Variants in PDE10A observed in about 807,000 individuals in gnomAD.
The protein encoded by PDE10A is cAMP and cAMP-inhibited cGMP 3',5'-cyclic phosphodiesterase 10A.
In PDE10A, 39 loss-of-function variants were observed where a neutral mutation model predicts 97.7. That is an observed-to-expected ratio of 0.40 (90% CI 0.31 to 0.52). The LOEUF (loss-of-function observed/expected upper bound fraction) is 0.52. PDE10A is among the 20% of genes least tolerant of loss of function. The pLI is 0.56. For synonymous variants in PDE10A, 371 were observed against 376.8 expected (o/e 0.98, Z 0.18); for missense variants, 731 against 1,047.8 (o/e 0.70, Z 4.17).
chr6:165,360,876 G>A (rs1435787146), intron 18 of PDE10A, among the ~76,000 whole-genome samples: 1 of 152,156 alleles, frequency 6.6e-6, no homozygotes, highest in Non-Finnish European at 1.5e-5. Context: ...CCAGGTGACT[G>A]TGGGTACACC....
intron 1 of PDE10A, among the ~76,000 whole-genome samples, chr6:165,553,643 G>A (rs1428189147): frequency 6.6e-6 from 1 of 152,104 alleles, no homozygotes; most frequent in Non-Finnish European, 1.5e-5. Context: ...AGCCTAAGGG[G>A]TGCCTTAGCT....
intron 1 of PDE10A, among the ~76,000 whole-genome samples, chr6:165,918,412 A>C (rs1417322370): frequency 2.0e-5 from 3 of 152,224 alleles, no homozygotes; most frequent in African/African-American, 7.2e-5. Flanking sequence ...GTAAACCACC[A>C]TTTAATTTAT....
At chr6:165,926,834 C>A (rs2128489653) in intron 1 of PDE10A, among the ~76,000 whole-genome samples, 1 of 152,200 alleles carries the variant, frequency 6.6e-6, no homozygotes, top group South Asian at 2.1e-4. Flanking sequence ...TACTTTACAT[C>A]AAAAAGGATT....
intron 1 of PDE10A, 25 bp from the exon 2 acceptor site, chr6:165,543,593 A>T (rs1420854466): frequency 1.3e-6 from 2 of 1,585,276 alleles, no homozygotes; most frequent in African/African-American, 2.7e-5. Flanking sequence ...AAAAGAATAA[A>T]ATTCACCTAT....
rs1284984120 is a variant in PDE10A, at chr6:165,391,457, C to CA, written c.2454+1188dup. On this transcript the variant is annotated intron_variant, in intron 16 of 21. Coordinates refer to ENST00000539869, the MANE Select transcript of PDE10A (RefSeq NM_001385079.1). ...CAGTTCTTAAACTCACAAGGTATGG[C>CA]AAAATGGCAAAACAAGACAATGAAA... Among the ~76,000 whole-genome samples, 21 of 151,982 alleles carry CA rather than the reference C, an allele frequency of 1.4e-4. 1 individual carries two copies. The East Asian group carries it at 4.1e-3, about 29-fold the overall frequency.
intron 1 of PDE10A, among the ~76,000 whole-genome samples, chr6:165,556,082 A>G (rs112784642): frequency 2.0e-5 from 3 of 152,358 alleles, no homozygotes; most frequent in African/African-American, 7.2e-5. Flanking sequence ...TGTAGAAACT[A>G]TAAGTGTTAA....
chr6:165,384,585 C>T (rs1182416173), intron 17 of PDE10A, among the ~76,000 whole-genome samples: 1 of 149,646 alleles, frequency 6.7e-6, no homozygotes. Flanking sequence ...ATACCCACTT[C>T]CTGCTTTTCC....
chr6:165,428,654 C>A lies in PDE10A; in HGVS notation c.1653+4G>T. 7.8e-7 allele frequency: 1 copy of A among 1,285,506 alleles called. No homozygotes were observed. Among genetic ancestry groups the A allele is most frequent in the African/African-American group, 1.5e-5 (1 of 67,684 alleles). The allele number at this position is 1,285,506 out of a possible 1,614,324, so 79.6% of individuals were successfully genotyped here. ...GAATCATACTCAGAACAAAAACAAC[C>A]TACCATTATGTGTTCAAGTAGAGAA... On this transcript the variant is annotated splice_donor_region_variant and intron_variant, in intron 10 of 21. Coordinates refer to ENST00000539869, the MANE Select transcript of PDE10A (RefSeq NM_001385079.1).
chr6:165,580,845 T>C (rs1009246492), intron 1 of PDE10A, among the ~76,000 whole-genome samples: 1 of 151,612 alleles, frequency 6.6e-6, no homozygotes, highest in Admixed American at 6.6e-5. Context: ...AGAAAGAAGA[T>C]GGTAAGTCTC....
intron 15 of PDE10A, among the ~76,000 whole-genome samples, chr6:165,393,723 G>C (rs1470292233): frequency 3.3e-5 from 5 of 152,066 alleles, no homozygotes; most frequent in African/African-American, 1.2e-4. Flanking sequence ...AAAATACACA[G>C]GCTTCAAGAA....
intron 1 of PDE10A, among the ~76,000 whole-genome samples, chr6:165,719,211 T>C (rs1411944957): frequency 6.6e-6 from 1 of 151,662 alleles, no homozygotes; most frequent in Non-Finnish European, 1.5e-5. Flanking sequence ...CACAGGAAAA[T>C]CACCTAGGGC....
chr6:165,469,281 A>G (rs1486915999), intron 3 of PDE10A, among the ~76,000 whole-genome samples: 2 of 152,156 alleles, frequency 1.3e-5, no homozygotes, highest in African/African-American at 4.8e-5. Context: ...AGCATTTCCT[A>G]GTATTTAAGG....
chr6:165,559,757 T>C (rs1473580800), intron 1 of PDE10A, among the ~76,000 whole-genome samples: 1 of 152,200 alleles, frequency 6.6e-6, no homozygotes, highest in Non-Finnish European at 1.5e-5. Context: ...GGGAGATAAC[T>C]GAATCTTGGG....
intron 1 of PDE10A, among the ~76,000 whole-genome samples, chr6:165,942,135 A>G (rs1420471620): frequency 6.6e-6 from 1 of 152,168 alleles, no homozygotes; most frequent in Admixed American, 6.5e-5. Flanking sequence ...ACTTTTTTCA[A>G]TAAATGTCCG....
intron 10 of PDE10A, among the ~76,000 whole-genome samples, chr6:165,427,609 G>C (rs1401171183): frequency 6.6e-6 from 1 of 152,088 alleles, no homozygotes; most frequent in Non-Finnish European, 1.5e-5. Flanking sequence ...AAAAACCACT[G>C]AATCGCACAC....
At chr6:165,886,004 G>A (rs1781622494) in intron 1 of PDE10A, among the ~76,000 whole-genome samples, 1 of 152,150 alleles carries the variant, frequency 6.6e-6, no homozygotes, top group African/African-American at 2.4e-5. Flanking sequence ...GAAAAATATT[G>A]TCTATCATAA....
intron 1 of PDE10A, among the ~76,000 whole-genome samples, chr6:165,784,969 G>T (rs1778454780): frequency 1.3e-5 from 2 of 152,148 alleles, no homozygotes; most frequent in Admixed American, 6.5e-5. Context: ...CCTTTATCCC[G>T]CAAAGTGTCA....
chr6:165,592,424 T>C (rs1015728967), intron 1 of PDE10A, among the ~76,000 whole-genome samples: 10 of 152,114 alleles, frequency 6.6e-5, no homozygotes, highest in South Asian at 2.1e-4. Context: ...CCAAAAGCAA[T>C]GGCAATAAAA....
chr6:165,643,409 C>A (rs993373479), intron 1 of PDE10A, among the ~76,000 whole-genome samples: 2 of 152,200 alleles, frequency 1.3e-5, no homozygotes, highest in Admixed American at 6.5e-5. Flanking sequence ...TTAGTTTGTT[C>A]TCCCCAAACT....
Sources: gnomAD v4.1 joint callset for allele counts (sites outside exome capture counted in the v4.1 genomes callset) on GRCh38, gnomAD v4.1.1 for gene constraint, MANE v1.5 for transcripts, NCBI Gene and HGNC (gene_info 2026-07-23, HGNC 2026-07-21) for gene names.